Variants in ANO5 observed in about 807,000 individuals in gnomAD.
ANO5 encodes anoctamin-5.
ANO5 carries 109 observed loss-of-function variants against 121.0 expected under a neutral mutation model. The ratio of observed to expected loss-of-function variants is 0.90; its 90% confidence interval spans 0.77 to 1.06. The LOEUF (loss-of-function observed/expected upper bound fraction) is 1.06, where lower values mean the gene tolerates loss of function less well. Ranked by LOEUF, ANO5 falls within the 50% of genes least tolerant of loss-of-function variation. The pLI is 0.00. For synonymous variants in ANO5, 406 were observed against 359.9 expected, an observed-to-expected ratio of 1.13 and a Z score of -1.45; for missense variants, 1,064 against 1,078.5, an observed-to-expected ratio of 0.99 and a Z score of 0.19.
At chr11:22,221,764 G>T (rs1852660633) in intron 5 of ANO5, among the ~76,000 whole-genome samples, 1 of 151,788 alleles carries the variant, frequency 6.6e-6, no homozygotes, top group Non-Finnish European at 1.5e-5. Context: ...GGACTATAAT[G>T]GATACTCAAT....
chr11:22,274,561 T>G lies in ANO5; in HGVS notation c.2236-8T>G, dbSNP rs1185668848. 6.4e-7 allele frequency: 1 copy of G among 1,557,212 alleles called. No homozygotes were observed. The highest frequency in any genetic ancestry group is 2.3e-5 in the East Asian group (1 of 44,176). On this transcript the variant is annotated splice_polypyrimidine_tract_variant and splice_region_variant and intron_variant, in intron 19 of 21. Transcript: ENST00000324559. ...GATGATCTTCCTCTTTTTTTTTTTA[T>G]TCTTCAGGCCTTTATTGTTGCATTT...
Position 22,259,561 on chromosome 11 carries a change from C to T in ANO5, c.1450C>T (p.Arg484Cys), listed in dbSNP as rs777607869. The change falls in exon 15 of 22, where the codon CGC (arginine) becomes TGC (cysteine). Residue 484 changes from arginine to cysteine, a missense_variant. Transcript: ENST00000324559. ...CAGTATGGTAGCTGTAATTGTGTAC[C>T]GCCTGTCAGTCTTTGCTACATTTGC... Reference protein sequence around the residue: ...VTSMVAVIVYRLSVFATFASF... With the variant: ...VTSMVAVIVYCLSVFATFASF... 1.7e-5 allele frequency: 28 copies of T among 1,614,028 alleles called. No homozygotes were observed. The highest frequency in any genetic ancestry group is 1.2e-4 in the South Asian group (11 of 91,070).
At chr11:22,272,340 A>ATG (rs1564950731) in intron 18 of ANO5, among the ~76,000 whole-genome samples, 1 of 149,208 alleles carries the variant, frequency 6.7e-6, no homozygotes, top group African/African-American at 2.6e-5. Flanking sequence ...ACACACACAC[A>ATG]CACACAGCTG....
At chr11:22,251,147 A>G (rs762991156) in intron 12 of ANO5, 136 bp downstream of exon 12, 117 of 908,072 alleles carry the variant, frequency 1.3e-4, no homozygotes, top group Non-Finnish European at 1.9e-4. Context: ...TAGCATTAAT[A>G]TACTGATGGA....
At chr11:22,266,159 A>G (rs1260915111) in intron 17 of ANO5, among the ~76,000 whole-genome samples, 1 of 152,178 alleles carries the variant, frequency 6.6e-6, no homozygotes, top group East Asian at 1.9e-4. Flanking sequence ...TGATTATTAT[A>G]AAATTTAAGA....
intron 7 of ANO5, among the ~76,000 whole-genome samples, chr11:22,230,792 C>A (rs1251910051): frequency 6.6e-6 from 1 of 151,926 alleles, no homozygotes; most frequent in East Asian, 1.9e-4. Context: ...CCTAGGATTT[C>A]TTTATACTAC....
At chr11:22,269,645 T>C (rs1384294542) in intron 17 of ANO5, among the ~76,000 whole-genome samples, 3 of 147,216 alleles carry the variant, frequency 2.0e-5, no homozygotes, top group Non-Finnish European at 4.4e-5. Context: ...ACTGAAATAA[T>C]TTTTTTCTAT....
At position 22,193,325 on chromosome 11, in the gene ANO5, GAGGAGA is replaced by G. The variant is rs1371099847; in HGVS notation, c.-162_-157del. The G allele has an allele frequency of 6.7e-7, 1 of 1,481,600 alleles. No individual in the cohort carries two copies. The highest frequency in any genetic ancestry group is 1.3e-5 in the South Asian group (1 of 75,464). 91.8% of individuals were successfully genotyped at this position (1,481,600 alleles called of 1,614,324 possible). On this transcript the variant is annotated 5_prime_UTR_variant, in exon 1 of 22. Transcript: ENST00000324559. ...CCCAGAGACGGTGGAGTCCGAGGAG[GAGGAGA>G]AGGAGGCCTGCAGAAGGAAGAGCAG... is the stretch of plus-strand genomic sequence containing the variant.
chr11:22,230,453 C>G (rs1017109820), intron 7 of ANO5, among the ~76,000 whole-genome samples: 5 of 151,960 alleles, frequency 3.3e-5, no homozygotes, highest in Admixed American at 1.3e-4. Context: ...TATTTTACAG[C>G]TGGATTTTAT....
At chr11:22,221,277 C>A in intron 5 of ANO5, 67 bp downstream of exon 5, 1 of 1,306,484 alleles carries the variant, frequency 7.7e-7, no homozygotes. Flanking sequence ...ACATGGATAT[C>A]TGGATTGAAT....
chr11:22,239,553 T>C lies in ANO5; in HGVS notation c.763-16T>C, dbSNP rs1853353882. On this transcript the variant is annotated splice_polypyrimidine_tract_variant and intron_variant, in intron 8 of 21. Transcript: ENST00000324559. ...TTGCTTCGTCTTTTATGTACCCTCC[T>C]CTTGAATATCTGCAGGGCCAATATT... 6.4e-7 allele frequency: 1 copy of C among 1,567,692 alleles called. No homozygotes were observed. Among genetic ancestry groups the C allele is most frequent in the African/African-American group, 1.4e-5 (1 of 73,914 alleles).
chr11:22,208,512 A>G (rs1222531174), intron 2 of ANO5, among the ~76,000 whole-genome samples: 1 of 152,002 alleles, frequency 6.6e-6, no homozygotes, highest in African/African-American at 2.4e-5. Flanking sequence ...TTTCTAAGGG[A>G]CATGGATGTT....
At chr11:22,275,945 A>G in intron 20 of ANO5, 149 bp from the exon 21 acceptor site, 1 of 618,702 alleles carries the variant, frequency 1.6e-6, no homozygotes. Flanking sequence ...AAGAAAGATA[A>G]ATGTTTCATA....
At chr11:22,235,562 TG>T (rs1264663103) in intron 7 of ANO5, among the ~76,000 whole-genome samples, 1 of 152,036 alleles carries the variant, frequency 6.6e-6, no homozygotes, top group Non-Finnish European at 1.5e-5. Context: ...GAAGAAATTT[TG>T]AAAAGTTGTT....
At position 22,279,762 on chromosome 11, in the gene ANO5, C is replaced by G; in HGVS notation, c.2739C>G (p.Leu913=). The part of the protein sequence containing the change: ...ENKAQLAKST[L] ...AAGCACAGCTGGCTAAATCAACACT[C>G]TAATCAGTATAGTGAGGAAGCAGCA... The change falls in exon 22 of 22, where the codon CTC becomes CTG. Residue 913 remains leucine, a synonymous_variant. Coordinates refer to ENST00000324559, the MANE Select transcript of ANO5 (RefSeq NM_213599.3). 6.2e-7 allele frequency: 1 copy of G among 1,610,578 alleles called. No individual in the cohort carries two copies. Among genetic ancestry groups the G allele is most frequent in the African/African-American group, 1.3e-5 (1 of 74,904 alleles).
intron 3 of ANO5, among the ~76,000 whole-genome samples, chr11:22,215,692 T>C (rs749443552): frequency 6.6e-6 from 1 of 151,962 alleles, no homozygotes; most frequent in African/African-American, 2.4e-5. Context: ...AAAGTTTTCA[T>C]CTTCATTGGT....
intron 6 of ANO5, 60 bp downstream of exon 6, chr11:22,226,112 C>A: frequency 7.2e-7 from 1 of 1,395,934 alleles, no homozygotes; most frequent in Non-Finnish European, 1.0e-6. Context: ...TTCTCCTACT[C>A]TGGCCTTTGC....
At chr11:22,232,805 T>G (rs1853084777) in intron 7 of ANO5, among the ~76,000 whole-genome samples, 1 of 151,988 alleles carries the variant, frequency 6.6e-6, no homozygotes, top group Admixed American at 6.6e-5. Flanking sequence ...ATCTATATAT[T>G]CATAGCTCTA....
intron 8 of ANO5, among the ~76,000 whole-genome samples, chr11:22,237,095 T>C (rs1289506662): frequency 6.6e-6 from 1 of 152,190 alleles, no homozygotes; most frequent in Admixed American, 6.5e-5. Flanking sequence ...TGTGTACATA[T>C]TCTACTTTGA....
Sources: gnomAD v4.1 joint callset for allele counts (sites outside exome capture counted in the v4.1 genomes callset) on GRCh38, gnomAD v4.1.1 for gene constraint, MANE v1.5 for transcripts, NCBI Gene and HGNC (gene_info 2026-07-23, HGNC 2026-07-21) for gene names.